The following FAM13B variants were observed in gnomAD, a reference collection of about 807,000 sequenced individuals.
FAM13B encodes the protein protein FAM13B.
Under a neutral mutation model 117.3 loss-of-function variants are expected in FAM13B, and 60 were observed. The observed-to-expected ratio is 0.51, with a 90% CI of 0.42 to 0.63. The LOEUF is 0.63. Among genes scored for constraint, FAM13B ranks in the 30% least tolerant of loss-of-function variants. FAM13B has a pLI of 0.00. For synonymous variants in FAM13B, 332 were observed against 356.1 expected (o/e 0.93, Z 0.76); for missense variants, 972 against 1,091.9 (o/e 0.89, Z 1.55).
chr5:138,033,180 G>C (rs865859762), upstream of FAM13B: 2 of 466,686 alleles, frequency 4.3e-6, no homozygotes, highest in Middle Eastern at 1.1e-3. Context: ...ACAGCATTCC[G>C]GGCAGCGGCC....
At chr5:137,972,391 C>G (rs1772473649) in intron 10 of FAM13B, among the ~76,000 whole-genome samples, 1 of 152,030 alleles carries the variant, frequency 6.6e-6, no homozygotes, top group African/African-American at 2.4e-5. Context: ...GCAGAAAAGG[C>G]CTTTGACAAA....
At chr5:138,009,434 G>C (rs191850773) in intron 6 of FAM13B, among the ~76,000 whole-genome samples, 1 of 152,066 alleles carries the variant, frequency 6.6e-6, no homozygotes. Context: ...ACTAGTGAAA[G>C]TTGAGAGGAT....
chr5:137,987,204 C>T (rs1777450275), intron 9 of FAM13B, among the ~76,000 whole-genome samples: 1 of 151,698 alleles, frequency 6.6e-6, no homozygotes, highest in Admixed American at 6.6e-5. Flanking sequence ...TTACTTCATT[C>T]GATGTTCAGG....
At chr5:137,989,754 G>A (rs1778135346) in intron 7 of FAM13B, among the ~76,000 whole-genome samples, 1 of 152,144 alleles carries the variant, frequency 6.6e-6, no homozygotes, top group Non-Finnish European at 1.5e-5. Context: ...CTTGAGCCCA[G>A]GGAGGTTGCA....
chr5:137,958,931 A>G (rs1308051505), intron 13 of FAM13B, among the ~76,000 whole-genome samples: 1 of 152,206 alleles, frequency 6.6e-6, no homozygotes, highest in African/African-American at 2.4e-5. Context: ...TAAACACTCC[A>G]GCATGCAAAT....
intron 4 of FAM13B, among the ~76,000 whole-genome samples, chr5:138,013,846 C>T (rs1784634102): frequency 6.6e-6 from 1 of 152,218 alleles, no homozygotes; most frequent in Non-Finnish European, 1.5e-5. Context: ...AGCTCTGTGG[C>T]ACTTAATGTC....
chr5:137,940,655 T>A (rs1761432385), intron 23 of FAM13B, among the ~76,000 whole-genome samples: 1 of 152,160 alleles, frequency 6.6e-6, no homozygotes, highest in Non-Finnish European at 1.5e-5. Flanking sequence ...GGTCTGTGAG[T>A]GTCTATTAAG....
At chr5:138,028,927 G>A (rs1042183666) in intron 1 of FAM13B, among the ~76,000 whole-genome samples, 1 of 152,178 alleles carries the variant, frequency 6.6e-6, no homozygotes, top group Non-Finnish European at 1.5e-5. Flanking sequence ...GATGAGGCAG[G>A]AGAATCGCTC....
At position 137,942,992 on chromosome 5, in the gene FAM13B, A is replaced by AT; in HGVS notation, c.2470dup (p.Met824AsnfsTer16). On this transcript the variant is annotated frameshift_variant, in exon 22 of 24. Transcript: ENST00000689681. LOFTEE classifies it high-confidence loss of function. ...CTGTACCTGTACTGCAGTTTTCAAC[A>AT]TATCACCTAACTCAGAGGACAGATT... 6.2e-7 allele frequency: 1 copy of AT among 1,613,504 alleles called. No homozygotes were observed. The highest frequency in any genetic ancestry group is 8.5e-7 in the Non-Finnish European group (1 of 1,179,896).
upstream of FAM13B, chr5:138,052,076 A>G (rs916020068): frequency 6.6e-6 from 1 of 152,130 alleles, no homozygotes; most frequent in African/African-American, 2.4e-5. Context: ...ACCAAGAAAC[A>G]TGGAGACCTT....
chr5:137,989,528 C>T (rs1025060858), intron 7 of FAM13B, among the ~76,000 whole-genome samples: 1 of 152,146 alleles, frequency 6.6e-6, no homozygotes, highest in African/African-American at 2.4e-5. Context: ...AATATTCACA[C>T]TTAAAGATTT....
intron 18 of FAM13B, among the ~76,000 whole-genome samples, chr5:137,946,751 T>C (rs558033230): frequency 6.6e-6 from 1 of 152,342 alleles, no homozygotes; most frequent in African/African-American, 2.4e-5. Flanking sequence ...TTTCATTTAA[T>C]GTTGTTGGCA....
upstream of FAM13B, chr5:138,033,121 G>A (rs1790639037): frequency 6.9e-6 from 6 of 874,912 alleles, no homozygotes; most frequent in Non-Finnish European, 8.2e-6. Flanking sequence ...CGTGGGAGGG[G>A]GCGGGGCAGG....
At chr5:137,956,768 A>G (rs1436594600) in intron 13 of FAM13B, among the ~76,000 whole-genome samples, 2 of 147,470 alleles carry the variant, frequency 1.4e-5, no homozygotes, top group East Asian at 3.9e-4. Context: ...GGGGGGGGAA[A>G]ACTCAAAGTC....
chr5:137,977,965 C>T (rs1774503630), intron 10 of FAM13B, among the ~76,000 whole-genome samples: 1 of 152,172 alleles, frequency 6.6e-6, no homozygotes, highest in Non-Finnish European at 1.5e-5. Flanking sequence ...TCTGACTTGG[C>T]CTTTTGACTA....
chr5:137,955,320 C>T (rs1766192809), intron 14 of FAM13B, among the ~76,000 whole-genome samples: 1 of 152,192 alleles, frequency 6.6e-6, no homozygotes, highest in South Asian at 2.1e-4. Flanking sequence ...TGGCCTCTAA[C>T]ATTAAACTGT....
intron 20 of FAM13B, among the ~76,000 whole-genome samples, chr5:137,943,770 A>C (rs191624636): frequency 9.4e-4 from 143 of 152,310 alleles, no homozygotes; most frequent in African/African-American, 3.3e-3. Flanking sequence ...AATGATAAGA[A>C]CATACATATA....
intron 10 of FAM13B, among the ~76,000 whole-genome samples, chr5:137,964,366 C>A (rs1450497522): frequency 1.3e-5 from 2 of 151,874 alleles, no homozygotes; most frequent in African/African-American, 2.4e-5. Context: ...CTGTCTTCAG[C>A]CTCCCAAAGT....
intron 10 of FAM13B, among the ~76,000 whole-genome samples, chr5:137,965,159 CCT>C (rs1215564954): frequency 6.6e-6 from 1 of 151,924 alleles, no homozygotes; most frequent in Non-Finnish European, 1.5e-5. Context: ...ACAGAGCGAG[CCT>C]CTGTTTCAAA....
Sources: gnomAD v4.1 joint callset for allele counts (sites outside exome capture counted in the v4.1 genomes callset) on GRCh38, gnomAD v4.1.1 for gene constraint, MANE v1.5 for transcripts, NCBI Gene and HGNC (gene_info 2026-07-23, HGNC 2026-07-21) for gene names.